RTKN2: variants seen among roughly 807,000 people sequenced by gnomAD.
RTKN2 encodes rhotekin 2.
A neutral mutation model predicts 71.5 loss-of-function variants in RTKN2; 69 were observed. The ratio of observed to expected loss-of-function variants is 0.96; its 90% CI spans 0.79 to 1.18. RTKN2 has a LOEUF of 1.18. Among genes scored for constraint, RTKN2 ranks in the 50% most tolerant of loss-of-function variants. The probability of loss-of-function intolerance (pLI) is 0.00; values close to 1 mark genes in which losing one functional copy is unlikely to be tolerated. For missense variants in RTKN2, 724 were observed against 719.7 expected, an observed-to-expected ratio of 1.01 and a Z score of -0.07; for synonymous variants, 236 against 236.5, an observed-to-expected ratio of 1.00 and a Z score of 0.02.
At chr10:62,215,371 G>T (rs1841747496) in intron 9 of RTKN2, among the ~76,000 whole-genome samples, 1 of 151,920 alleles carries the variant, frequency 6.6e-6, no homozygotes, top group Admixed American at 6.6e-5. Flanking sequence ...AATAAATAAA[G>T]GCAGGAGGTG....
At chr10:62,241,102 TA>T in intron 4 of RTKN2, 39 bp downstream of exon 4, 1 of 1,168,570 alleles carries the variant, frequency 8.6e-7, no homozygotes, top group Non-Finnish European at 1.3e-6. Flanking sequence ...CACTACATAC[TA>T]AAGAAAACAT....
intron 6 of RTKN2, among the ~76,000 whole-genome samples, chr10:62,231,763 A>G (rs1476347534): frequency 6.6e-6 from 1 of 152,180 alleles, no homozygotes; most frequent in East Asian, 1.9e-4. Context: ...TTGGTCACAT[A>G]TCATATTACT....
chr10:62,239,734 G>A lies in RTKN2; in HGVS notation c.402C>T (p.Phe134=), dbSNP rs762182156. ...RSRRYAIFCL[F]KMGANVFDTD... The stretch of plus-strand genomic sequence containing the variant: ...TATCAAACACATTAGCTCCCATTTT[G>A]AATAAACAAAAAATGGCATAGCGTC... The change falls in exon 5 of 12, where the codon TTC becomes TTT. Residue 134 remains phenylalanine (F), a synonymous_variant. Coordinates refer to ENST00000373789, the MANE Select transcript of RTKN2 (RefSeq NM_145307.4). The A allele has an allele frequency of 4.5e-5, 72 of 1,591,222 alleles. No individual in the cohort carries two copies. The highest frequency in any genetic ancestry group is 6.1e-5 in the Non-Finnish European group (71 of 1,166,778).
chr10:62,218,730 CATT>C (rs1353292508), intron 7 of RTKN2, among the ~76,000 whole-genome samples: 2 of 152,148 alleles, frequency 1.3e-5, no homozygotes, highest in African/African-American at 4.8e-5. Flanking sequence ...CTGAATAAAA[CATT>C]ATTTCACTTT....
At chr10:62,221,010 T>G (rs1449457157) in intron 7 of RTKN2, among the ~76,000 whole-genome samples, 4 of 151,508 alleles carry the variant, frequency 2.6e-5, no homozygotes, top group Non-Finnish European at 4.4e-5. Flanking sequence ...CATAACTCAC[T>G]AAAAGAAATT....
chr10:62,210,228 T>C (rs527424315), intron 9 of RTKN2, among the ~76,000 whole-genome samples: 1 of 152,280 alleles, frequency 6.6e-6, no homozygotes, highest in East Asian at 1.9e-4. Flanking sequence ...TAACGATATA[T>C]TAACTACATA....
In RTKN2 at chr10:62,268,736, G is replaced by C. The variant is rs1039284755; in HGVS notation, c.-126C>G. On this transcript the variant is annotated 5_prime_UTR_variant, in exon 1 of 12. Coordinates refer to ENST00000373789, the MANE Select transcript of RTKN2 (RefSeq NM_145307.4). ...TACCAAGTCCCAGTCGCAGGGGCCGGGGGCGCAGGAGGAGCCGGGCCGAAG... is the reference window on the plus strand; with the variant it reads ...TACCAAGTCCCAGTCGCAGGGGCCGCGGGCGCAGGAGGAGCCGGGCCGAAG... The C allele has an allele frequency of 1.8e-5, 18 of 1,012,042 alleles. No homozygotes were observed. The highest frequency in any genetic ancestry group is 2.6e-5 in the Non-Finnish European group (18 of 699,126). The allele number at this position is 1,012,042 out of a possible 1,614,324, so 62.7% of individuals were successfully genotyped here. A position where few individuals can be genotyped will look rare whatever the true frequency, so the allele number is the denominator to read the frequency against.
chr10:62,219,724 G>A (rs1425392570), intron 7 of RTKN2, among the ~76,000 whole-genome samples: 25 of 152,024 alleles, frequency 1.6e-4, no homozygotes, highest in Admixed American at 1.6e-3. Context: ...CAAGGTGGGA[G>A]GAGTGCTTGC....
chr10:62,234,328 C>A (rs1312657506), intron 6 of RTKN2, among the ~76,000 whole-genome samples: 1 of 151,898 alleles, frequency 6.6e-6, no homozygotes, highest in Admixed American at 6.6e-5. Context: ...AGGTTGAGAT[C>A]AGCCTGAGCA....
At chr10:62,247,173 T>G (rs1274781975) in intron 2 of RTKN2, among the ~76,000 whole-genome samples, 1 of 151,890 alleles carries the variant, frequency 6.6e-6, no homozygotes, top group East Asian at 1.9e-4. Context: ...CTAAGTAATT[T>G]TTGGAAGAGG....
chr10:62,188,375 G>A (rs1049611280), downstream of RTKN2, among the ~76,000 whole-genome samples: 19 of 152,294 alleles, frequency 1.2e-4, no homozygotes, highest in South Asian at 4.1e-4. Context: ...AACAGCAAGG[G>A]TGTGCTATCT....
At chr10:62,202,010 T>G (rs1393148694) in intron 10 of RTKN2, among the ~76,000 whole-genome samples, 1 of 152,236 alleles carries the variant, frequency 6.6e-6, no homozygotes, top group African/African-American at 2.4e-5. Flanking sequence ...AATAATTTTT[T>G]ATGCTAAGCT....
At chr10:62,206,640 G>A (rs1841554691) in intron 9 of RTKN2, among the ~76,000 whole-genome samples, 1 of 151,924 alleles carries the variant, frequency 6.6e-6, no homozygotes, top group Non-Finnish European at 1.5e-5. Flanking sequence ...TAGAAATCTA[G>A]GAATGTGAGT....
chr10:62,221,148 G>A (rs75545323), intron 7 of RTKN2, among the ~76,000 whole-genome samples: 1 of 126,498 alleles, frequency 7.9e-6, no homozygotes, highest in African/African-American at 2.9e-5. Flanking sequence ...AAAAAAAAAA[G>A]AATTACAATA....
At chr10:62,189,708 C>T (rs1214358143), downstream of RTKN2, among the ~76,000 whole-genome samples, 1 of 152,144 alleles carries the variant, frequency 6.6e-6, no homozygotes, top group Non-Finnish European at 1.5e-5. Context: ...TGCCTGTTGT[C>T]CCAGCTACTC....
chr10:62,189,389 A>C (rs1841184996), downstream of RTKN2, among the ~76,000 whole-genome samples: 1 of 152,228 alleles, frequency 6.6e-6, no homozygotes, highest in African/African-American at 2.4e-5. Context: ...TGTCCAACTC[A>C]TGACTCTGAA....
chr10:62,195,912 T>C lies in RTKN2; in HGVS notation c.*1996A>G, dbSNP rs1841321781. 2.0e-6 allele frequency: 2 copies of C among 985,108 alleles called. No homozygotes were observed. 61.0% of individuals were successfully genotyped at this position (985,108 alleles called of 1,614,324 possible). Reference sequence around the variant, plus strand: ...CTACTCTGAGGGCACAACTGCTAGGTAATTTCTGTATGAATACTTTCTTTT... The same window carrying C: ...CTACTCTGAGGGCACAACTGCTAGGCAATTTCTGTATGAATACTTTCTTTT... On this transcript the variant is annotated 3_prime_UTR_variant, in exon 12 of 12. Coordinates refer to ENST00000373789, the MANE Select transcript of RTKN2 (RefSeq NM_145307.4).
At chr10:62,209,819 C>A (rs1481005309) in intron 9 of RTKN2, among the ~76,000 whole-genome samples, 2 of 152,120 alleles carry the variant, frequency 1.3e-5, no homozygotes, top group Non-Finnish European at 2.9e-5. Flanking sequence ...GGCTGCAGAG[C>A]ATTCCATGGT....
rs1564496525 is a variant in RTKN2 at position 62,196,047 on chromosome 10, A to G, written c.*1861T>C. 1 of 918,592 alleles carries G rather than the reference A, an allele frequency of 1.1e-6. No individual in the cohort carries two copies. The highest frequency in any genetic ancestry group is 1.3e-6 in the Non-Finnish European group (1 of 770,070). 56.9% of individuals were successfully genotyped at this position (918,592 alleles called of 1,614,324 possible). On this transcript the variant is annotated 3_prime_UTR_variant, in exon 12 of 12. Transcript: ENST00000373789. ...GTAATAAAGGAAGGCATCAACTAGG[A>G]AAAAAAAAAGAATGCTTAGATGCCA...
Sources: gnomAD v4.1 joint callset for allele counts (sites outside exome capture counted in the v4.1 genomes callset) on GRCh38, gnomAD v4.1.1 for gene constraint, MANE v1.5 for transcripts, NCBI Gene and HGNC (gene_info 2026-07-23, HGNC 2026-07-21) for gene names.